CWF19L2: variants seen among roughly 807,000 people sequenced by gnomAD.
CWF19L2 encodes CWF19-like protein 2.
CWF19L2 carries 98 observed loss-of-function variants against 111.7 expected under a neutral mutation model. The ratio of observed to expected loss-of-function variants is 0.88; its 90% confidence interval spans 0.75 to 1.04. The LOEUF (loss-of-function observed/expected upper bound fraction) is 1.04. Ranked by LOEUF, CWF19L2 falls within the 50% of genes least tolerant of loss-of-function variation. The pLI, the probability that CWF19L2 is intolerant of heterozygous loss-of-function variation, is 0.00. For synonymous variants in CWF19L2, 351 were observed against 342.9 expected (o/e 1.02, Z -0.26); for missense variants, 1,101 against 1,051.4 (o/e 1.05, Z -0.65).
chr11:107,401,165 ATGC>A (rs1860993924), intron 10 of CWF19L2, among the ~76,000 whole-genome samples: 1 of 152,170 alleles, frequency 6.6e-6, no homozygotes, highest in African/African-American at 2.4e-5. Context: ...CAAGACAAGG[ATGC>A]TCACTCTCAC....
In CWF19L2 at chr11:107,326,929, G is replaced by A. The variant is rs1374692204; in HGVS notation, c.2666C>T (p.Thr889Ile). 6.3e-7 allele frequency: 1 copy of A among 1,598,422 alleles called. No homozygotes were observed. Among genetic ancestry groups the A allele is most frequent in the Middle Eastern group, 1.7e-4 (1 of 5,976 alleles). ...FAQWWKPYDF[T>I]KSKNY ...TACACCTCAATAGTTTTTACTTTTG[G>A]TGAAGTCATATGGTTTCCACCACTG... Residue 889 changes from threonine (T) to isoleucine (I), a missense_variant, in exon 18 of 18, where the codon ACC becomes ATC. Thr to Ile is a moderately conservative substitution (Grantham distance 89). Coordinates refer to ENST00000282251, the MANE Select transcript of CWF19L2 (RefSeq NM_152434.3).
chr11:107,455,931 A>T (rs921090891), intron 1 of CWF19L2, among the ~76,000 whole-genome samples, 155 bp from the exon 2 acceptor site: 6 of 152,150 alleles, frequency 3.9e-5, no homozygotes, highest in Admixed American at 1.3e-4. Flanking sequence ...CCAGTGTAAA[A>T]AAATAAAAAA....
chr11:107,362,106 C>T (rs1860354763), intron 12 of CWF19L2, among the ~76,000 whole-genome samples: 1 of 152,122 alleles, frequency 6.6e-6, no homozygotes, highest in South Asian at 2.1e-4. Flanking sequence ...AAATATTGCG[C>T]TTTTCAGACC....
chr11:107,414,184 T>TTTTA (rs199828565), intron 10 of CWF19L2, among the ~76,000 whole-genome samples: 1,682 of 152,082 alleles, frequency 0.011, 26 homozygotes, highest in African/African-American at 0.038. Context: ...TTTTTAGTGT[T>TTTTA]TTTATTTATT....
At chr11:107,416,015 T>C (rs1287870036) in intron 10 of CWF19L2, among the ~76,000 whole-genome samples, 194 bp downstream of exon 10, 1 of 151,988 alleles carries the variant, frequency 6.6e-6, no homozygotes, top group Non-Finnish European at 1.5e-5. Context: ...AAGAATTGCT[T>C]GAACGTGGGA....
intron 10 of CWF19L2, among the ~76,000 whole-genome samples, chr11:107,407,428 A>G (rs1861095206): frequency 1.3e-5 from 2 of 152,002 alleles, no homozygotes; most frequent in Admixed American, 1.3e-4. Flanking sequence ...GAAACAGAAC[A>G]TATATGAATT....
intron 14 of CWF19L2, chr11:107,345,602 C>T: frequency 2.9e-6 from 1 of 345,144 alleles, no homozygotes; most frequent in Non-Finnish European, 5.7e-6. Context: ...ATATATAAAC[C>T]TCATACTAAT....
At chr11:107,448,187 T>C (rs1461009639) in intron 3 of CWF19L2, among the ~76,000 whole-genome samples, 1 of 151,302 alleles carries the variant, frequency 6.6e-6, no homozygotes, top group African/African-American at 2.4e-5. Flanking sequence ...CCACTAAAAA[T>C]ACAAACAATT....
At chr11:107,419,089 A>G (rs1861268108) in intron 8 of CWF19L2, among the ~76,000 whole-genome samples, 1 of 152,162 alleles carries the variant, frequency 6.6e-6, no homozygotes, top group Non-Finnish European at 1.5e-5. Flanking sequence ...TCAGCAAGAA[A>G]CCACCTGCAG....
At chr11:107,330,768 GT>G (rs1859838849) in intron 16 of CWF19L2, among the ~76,000 whole-genome samples, 1 of 150,050 alleles carries the variant, frequency 6.7e-6, no homozygotes, top group African/African-American at 2.5e-5. Flanking sequence ...GTCCTTGCAA[GT>G]TTTGCTTCAA....
rs1859899649 is a variant in CWF19L2 at position 107,334,891 on chromosome 11, A to AT, written c.2428dup (p.Ile810AsnfsTer27). On this transcript the variant is annotated frameshift_variant, in exon 16 of 18. Transcript: ENST00000282251. LOFTEE classifies it high-confidence loss of function. Reference sequence around the variant, plus strand: ...AAAAAACATACTTACAGACTTTCTGATATCTTTTGAAGAGAGATCTATCAA... The same window carrying AT: ...AAAAAACATACTTACAGACTTTCTGATTATCTTTTGAAGAGAGATCTATCAA... 2 of 1,588,820 alleles carry AT rather than the reference A, an allele frequency of 1.3e-6. No homozygotes were observed. Among genetic ancestry groups the AT allele is most frequent in the Non-Finnish European group, 1.7e-6 (2 of 1,157,788 alleles).
At chr11:107,343,256 C>G (rs1860030792) in intron 14 of CWF19L2, among the ~76,000 whole-genome samples, 1 of 151,964 alleles carries the variant, frequency 6.6e-6, no homozygotes, top group Non-Finnish European at 1.5e-5. Context: ...TTTCTCCTTT[C>G]AGTTCATTCA....
intron 16 of CWF19L2, among the ~76,000 whole-genome samples, chr11:107,334,142 A>G (rs1859888454): frequency 6.6e-6 from 1 of 152,246 alleles, no homozygotes; most frequent in East Asian, 1.9e-4. Flanking sequence ...ACTGTGTACC[A>G]AAAGCATCTT....
intron 12 of CWF19L2, among the ~76,000 whole-genome samples, chr11:107,387,467 C>CAAAAAAA (rs996753060): frequency 7.7e-6 from 1 of 129,282 alleles, no homozygotes; most frequent in Non-Finnish European, 1.7e-5. Flanking sequence ...CAAAACAAAA[C>CAAAAAAA]AAAAAACAAA....
intron 12 of CWF19L2, among the ~76,000 whole-genome samples, chr11:107,368,494 T>C (rs1007885410): frequency 1.4e-5 from 2 of 138,004 alleles, no homozygotes; most frequent in African/African-American, 2.9e-5. Context: ...CACATCCACT[T>C]GCCGTCACAG....
chr11:107,422,096 G>A (rs1861310133), intron 8 of CWF19L2, among the ~76,000 whole-genome samples: 1 of 152,058 alleles, frequency 6.6e-6, no homozygotes, highest in African/African-American at 2.4e-5. Context: ...CTGAGTGAAA[G>A]AAGACAGACC....
intron 10 of CWF19L2, among the ~76,000 whole-genome samples, chr11:107,397,795 G>A (rs1860945600): frequency 6.6e-6 from 1 of 152,160 alleles, no homozygotes; most frequent in Non-Finnish European, 1.5e-5. Context: ...ACCAGAACAA[G>A]CAGCTGGTAT....
rs566736615 is a variant in CWF19L2 at position 107,367,726 on chromosome 11, T to G, written c.1873-13990A>C. 1.6e-4 allele frequency among the ~76,000 whole-genome samples: 16 copies of G among 103,082 alleles called. 2 individuals carry two copies. The East Asian group carries it at 2.4e-3, about 15-fold the overall frequency. The allele number at this position is 103,082 out of a possible 152,430, so 67.6% of individuals were successfully genotyped here. On this transcript the variant is annotated intron_variant, in intron 12 of 17. Coordinates refer to ENST00000282251, the MANE Select transcript of CWF19L2 (RefSeq NM_152434.3). ...TAGCATTGGGAGATATACCTAATGC[T>G]AGATGACGAGTTACTGGGTGCAGCG...
At chr11:107,442,369 T>G (rs1049850082) in intron 4 of CWF19L2, among the ~76,000 whole-genome samples, 7 of 152,122 alleles carry the variant, frequency 4.6e-5, no homozygotes, top group Non-Finnish European at 8.8e-5. Context: ...TTCTCAAAAG[T>G]TGATACTTTT....
Sources: gnomAD v4.1 joint callset for allele counts (sites outside exome capture counted in the v4.1 genomes callset) on GRCh38, gnomAD v4.1.1 for gene constraint, MANE v1.5 for transcripts, NCBI Gene and HGNC (gene_info 2026-07-23, HGNC 2026-07-21) for gene names.